Variants in SP3 observed in about 807,000 individuals in gnomAD.
SP3 encodes transcription factor Sp3.
SP3 carries 10 observed loss-of-function variants against 70.3 expected under a neutral mutation model. The ratio of observed to expected loss-of-function variants is 0.14; its 90% CI spans 0.09 to 0.24. The LOEUF is 0.24. Ranked by LOEUF, SP3 falls within the 10% of genes least tolerant of loss-of-function variation. The pLI, the probability that SP3 is intolerant of heterozygous loss-of-function variation, is 1.00. For synonymous variants in SP3, 402 were observed against 333.5 expected, an observed-to-expected ratio of 1.21 and a Z score of -2.24; for missense variants, 825 against 914.6, an observed-to-expected ratio of 0.90 and a Z score of 1.26.
In SP3 at chr2:173,903,997, C is replaced by CG. The variant is rs1217296277; in HGVS notation, c.*5943dup. ...AGACAATTTTTTCATGGATGGGGGT[C>CG]GGGGGGTGGGGATGGTTGTAGGATG... On this transcript the variant is annotated 3_prime_UTR_variant, in exon 7 of 7. Transcript: ENST00000310015. Among the ~76,000 whole-genome samples the CG allele has an allele frequency of 2.4e-5, 1 of 41,356 alleles. No individual in the cohort carries two copies. Among genetic ancestry groups the CG allele is most frequent in the Non-Finnish European group, 5.0e-5 (1 of 20,198 alleles). The allele number at this position is 41,356 out of a possible 152,430, so 27.1% of individuals were successfully genotyped here. A position where few individuals can be genotyped will look rare whatever the true frequency, so the allele number is the denominator to read the frequency against.
chr2:173,933,465 A>G (rs936805338), intron 4 of SP3, among the ~76,000 whole-genome samples: 4 of 151,656 alleles, frequency 2.6e-5, no homozygotes, highest in Admixed American at 6.6e-5. Context: ...CACATCCATC[A>G]TAAGTCAGCT....
chr2:173,953,608 G>A (rs1690783134), intron 4 of SP3, among the ~76,000 whole-genome samples: 1 of 152,084 alleles, frequency 6.6e-6, no homozygotes, highest in Non-Finnish European at 1.5e-5. Flanking sequence ...TTAGCCGGAT[G>A]TGGTGGTGTG....
At chr2:173,926,430 A>C (rs2105467362) in intron 4 of SP3, among the ~76,000 whole-genome samples, 1 of 152,116 alleles carries the variant, frequency 6.6e-6, no homozygotes, top group East Asian at 1.9e-4. Context: ...GCTACTCACC[A>C]AGAATACAAA....
chr2:173,947,307 G>A (rs1690573593), intron 4 of SP3, among the ~76,000 whole-genome samples: 1 of 151,966 alleles, frequency 6.6e-6, no homozygotes, highest in Non-Finnish European at 1.5e-5. Flanking sequence ...TGTCTTAACT[G>A]CTCGTTCATT....
intron 5 of SP3, among the ~76,000 whole-genome samples, chr2:173,918,026 A>T (rs1689655323): frequency 6.6e-6 from 1 of 151,444 alleles, no homozygotes; most frequent in Non-Finnish European, 1.5e-5. Context: ...CTGAGTCTCA[A>T]TCTCTTCATT....
At chr2:173,934,134 G>T (rs1384251183) in intron 4 of SP3, among the ~76,000 whole-genome samples, 3 of 151,938 alleles carry the variant, frequency 2.0e-5, no homozygotes, top group African/African-American at 4.8e-5. Context: ...CACCTACTCA[G>T]GTGGCTAACA....
chr2:173,942,012 G>C (rs776547038), intron 4 of SP3, among the ~76,000 whole-genome samples: 1 of 152,116 alleles, frequency 6.6e-6, no homozygotes. Flanking sequence ...TTCTGTGCCA[G>C]ACCCTGCATT....
chr2:173,948,035 G>A (rs1264848177), intron 4 of SP3, among the ~76,000 whole-genome samples: 1 of 152,100 alleles, frequency 6.6e-6, no homozygotes, highest in Non-Finnish European at 1.5e-5. Context: ...ATAACAAACA[G>A]CAACAACTTT....
At position 173,945,418 on chromosome 2, in the gene SP3, C is replaced by T. The variant is rs190304849; in HGVS notation, c.1639+9455G>A. Among the ~76,000 whole-genome samples, 22 of 152,208 alleles carry T rather than the reference C, an allele frequency of 1.4e-4. No homozygotes were observed. In the East Asian group the frequency reaches 4.1e-3, roughly 28 times the overall value. On this transcript the variant is annotated intron_variant, in intron 4 of 6. Transcript: ENST00000310015. ...TAGTAAGAACTTATGTATACCTCAA[C>T]TCAACATGACTAAACCTGAAGGCAA...
chr2:173,902,454 T>A lies in SP3; in HGVS notation c.*7487A>T, dbSNP rs1037332918. Among the ~76,000 whole-genome samples the A allele has an allele frequency of 3.9e-5, 6 of 152,230 alleles. No homozygotes were observed. The highest frequency in any genetic ancestry group is 8.8e-5 in the Non-Finnish European group (6 of 68,046). ...AAACTGAAGATTAAGAATATCCTGT[T>A]GGCCAGTGATTCAAGTTCTAGATAC... On this transcript the variant is annotated 3_prime_UTR_variant, in exon 7 of 7. Transcript: ENST00000310015.
rs1474428121 is a variant in SP3 at position 173,955,179 on chromosome 2, G to T, written c.1333C>A (p.Pro445Thr). The T allele has an allele frequency of 6.2e-7, 1 of 1,614,134 alleles. No homozygotes were observed. The highest frequency in any genetic ancestry group is 8.5e-7 in the Non-Finnish European group (1 of 1,180,026). ...ALQNLQLQLN[P>T]GTFLIQAQTV... ...TGTGCCTGAATTAAAAAGGTTCCAGGATTCAGCTGCAACTGAAGATTTTGC... is the reference window on the plus strand; with the variant it reads ...TGTGCCTGAATTAAAAAGGTTCCAGTATTCAGCTGCAACTGAAGATTTTGC... Residue 445 changes from proline to threonine, a missense_variant, in exon 4 of 7, where the codon CCT becomes ACT. By Grantham distance (38) the Pro-to-Thr change is conservative (BLOSUM62 -1). Around this residue, in one of 4 missense-constraint regions of SP3, gnomAD observed 678 missense variants for 651.6 expected, o/e 1.04. Coordinates refer to ENST00000310015, the MANE Select transcript of SP3 (RefSeq NM_003111.5).
At chr2:173,952,925 T>C (rs1040018660) in intron 4 of SP3, among the ~76,000 whole-genome samples, 30 of 152,322 alleles carry the variant, frequency 2.0e-4, no homozygotes, top group African/African-American at 7.0e-4. Flanking sequence ...CTAAAGGGTA[T>C]GGGTTTCCTT....
Position 173,908,900 on chromosome 2 carries a change from ACTAC to A in SP3, c.*1037_*1040del, listed in dbSNP as rs1056279045. 2 of 151,770 alleles carry A rather than the reference ACTAC, an allele frequency of 1.3e-5. No homozygotes were observed. The highest frequency in any genetic ancestry group is 2.4e-5 in the African/African-American group (1 of 41,228). 9.4% of individuals were successfully genotyped at this position (151,770 alleles called of 1,614,324 possible). A position where few individuals can be genotyped will look rare whatever the true frequency, so the allele number is the denominator to read the frequency against. ...ATGATTGATATTTAAGTGCAGACTG[ACTAC>A]CTAGACAAAAAAAAAAAAGACTTAA... On this transcript the variant is annotated 3_prime_UTR_variant, in exon 7 of 7. Transcript: ENST00000310015.
At chr2:173,916,869 C>G (rs927547749) in intron 5 of SP3, 11 of 152,030 alleles carry the variant, frequency 7.2e-5, no homozygotes, top group African/African-American at 2.7e-4. Flanking sequence ...ACCCTACATC[C>G]ATACAATAGA....
intron 4 of SP3, among the ~76,000 whole-genome samples, chr2:173,934,736 C>A (rs967754668): frequency 2.0e-5 from 3 of 152,226 alleles, no homozygotes; most frequent in South Asian, 4.2e-4. Flanking sequence ...TAAATCAGCA[C>A]TCTACTTATT....
At chr2:173,929,562 A>G (rs55664124) in intron 4 of SP3, among the ~76,000 whole-genome samples, 2 of 152,330 alleles carry the variant, frequency 1.3e-5, no homozygotes, top group East Asian at 1.9e-4. Flanking sequence ...AGAAGACAAC[A>G]GTCAGTAGTT....
intron 3 of SP3, among the ~76,000 whole-genome samples, chr2:173,959,280 C>T (rs1647876525): frequency 6.6e-6 from 1 of 151,260 alleles, no homozygotes; most frequent in Admixed American, 6.6e-5. Flanking sequence ...CAGCAATATA[C>T]CACTAAAAGA....
At chr2:173,933,638 T>TTATATATATATATA (rs60102426) in intron 4 of SP3, among the ~76,000 whole-genome samples, 2,719 of 86,090 alleles carry the variant, frequency 0.032, 91 homozygotes, top group Non-Finnish European at 0.036. Context: ...TTATAAAACT[T>TTATATATATATATA]TATATATATA....
chr2:173,964,377 G>T, intron 2 of SP3, 28 bp downstream of exon 2: 1 of 680,446 alleles, frequency 1.5e-6, no homozygotes, highest in Non-Finnish European at 2.7e-6. Flanking sequence ...CGAGGGGGGA[G>T]CCGGGCCGGG....
Sources: allele counts gnomAD v4.1 joint callset (sites outside exome capture counted in the v4.1 genomes callset), GRCh38; gene constraint gnomAD v4.1.1; regional missense constraint gnomAD v4.1.1; transcripts MANE v1.5; gene names NCBI Gene and HGNC (gene_info 2026-07-23, HGNC 2026-07-21).